Variants in RAB1A observed in about 807,000 individuals in gnomAD.
RAB1A encodes RAB1A, member RAS oncogene family.
A neutral mutation model predicts 26.0 loss-of-function variants in RAB1A; 2 were observed. The observed-to-expected ratio is 0.08, with a 90% CI of 0.03 to 0.24. The LOEUF (loss-of-function observed/expected upper bound fraction) is 0.24. Among genes scored for constraint, RAB1A ranks in the 10% least tolerant of loss-of-function variants. The pLI is 1.00. For missense variants in RAB1A, 100 were observed against 247.0 expected (o/e 0.40, Z 3.99); for synonymous variants, 84 against 84.9 (o/e 0.99, Z 0.06).
At chr2:65,111,022 A>G (rs1669681887) in intron 1 of RAB1A, among the ~76,000 whole-genome samples, 1 of 152,154 alleles carries the variant, frequency 6.6e-6, no homozygotes. Flanking sequence ...TAATGGATAA[A>G]ACTAAGGAGA....
chr2:65,129,489 G>A (rs565788772), intron 1 of RAB1A, among the ~76,000 whole-genome samples: 1 of 152,242 alleles, frequency 6.6e-6, no homozygotes, highest in South Asian at 2.1e-4. Context: ...GCAGAGTGCG[G>A]GCGCAGGGTC....
At chr2:65,089,489 G>A (rs1027815524) in intron 4 of RAB1A, among the ~76,000 whole-genome samples, 1 of 152,046 alleles carries the variant, frequency 6.6e-6, no homozygotes, top group African/African-American at 2.4e-5. Flanking sequence ...TGAGTTTACA[G>A]GTGTTAGCCA....
intron 2 of RAB1A, among the ~76,000 whole-genome samples, chr2:65,103,145 G>C (rs1040719692): frequency 6.6e-6 from 1 of 151,488 alleles, no homozygotes; most frequent in African/African-American, 2.4e-5. Flanking sequence ...GTGAGACCTT[G>C]TCACTACAAA....
At chr2:65,114,791 G>C (rs867299147) in intron 1 of RAB1A, among the ~76,000 whole-genome samples, 2 of 151,766 alleles carry the variant, frequency 1.3e-5, no homozygotes, top group South Asian at 4.2e-4. Context: ...CTTGCAGTGA[G>C]CCGAGATTGC....
At chr2:65,092,403 C>G (rs943227868) in intron 3 of RAB1A, among the ~76,000 whole-genome samples, 1 of 152,128 alleles carries the variant, frequency 6.6e-6, no homozygotes, top group Non-Finnish European at 1.5e-5. Flanking sequence ...GGGAGAGTCA[C>G]CTAACAGTTT....
chr2:65,089,293 C>T (rs1329588220), intron 4 of RAB1A, among the ~76,000 whole-genome samples: 1 of 151,998 alleles, frequency 6.6e-6, no homozygotes, highest in Non-Finnish European at 1.5e-5. Flanking sequence ...GCTCACTGCA[C>T]CCTCGACCTC....
chr2:65,113,307 A>G (rs1669745054), intron 1 of RAB1A, among the ~76,000 whole-genome samples: 1 of 152,106 alleles, frequency 6.6e-6, no homozygotes, highest in African/African-American at 2.4e-5. Context: ...TGATGTATGT[A>G]CCTACGCCAT....
intron 3 of RAB1A, among the ~76,000 whole-genome samples, chr2:65,093,795 T>C (rs1194986458): frequency 6.6e-6 from 1 of 151,764 alleles, no homozygotes; most frequent in Non-Finnish European, 1.5e-5. Flanking sequence ...GCTAATTTTT[T>C]TGTATTTTTA....
At chr2:65,127,020 T>C (rs2103890956) in intron 1 of RAB1A, among the ~76,000 whole-genome samples, 1 of 152,296 alleles carries the variant, frequency 6.6e-6, no homozygotes, top group East Asian at 1.9e-4. Flanking sequence ...ACTAACACTT[T>C]TGCAAAGGTT....
At chr2:65,114,185 T>C (rs1476756378) in intron 1 of RAB1A, 2 of 441,612 alleles carry the variant, frequency 4.5e-6, no homozygotes, top group Non-Finnish European at 4.4e-6. Context: ...AAATAAAATT[T>C]AGATTCTCAG....
Position 65,090,942 on chromosome 2 carries a change from C to T in RAB1A, c.288+41G>A, listed in dbSNP as rs776492821. 3 of 1,358,334 alleles carry T rather than the reference C, an allele frequency of 2.2e-6. No homozygotes were observed. The Admixed American group carries it at 5.9e-5, about 27-fold the overall frequency. 84.1% of individuals were successfully genotyped at this position (1,358,334 alleles called of 1,614,324 possible). A position where few individuals can be genotyped will look rare whatever the true frequency, so the allele number is the denominator to read the frequency against. ...TCTGACATTAATCAAATAATGGCTT[C>T]CTACTTGGTCACTGTAACACAATCT... is the stretch of plus-strand genomic sequence containing the variant. On this transcript the variant is annotated intron_variant, in intron 4 of 5. Coordinates refer to ENST00000409784, the MANE Select transcript of RAB1A (RefSeq NM_004161.5).
At chr2:65,096,096 C>T (rs971497055) in intron 3 of RAB1A, among the ~76,000 whole-genome samples, 13 of 151,488 alleles carry the variant, frequency 8.6e-5, no homozygotes, top group Admixed American at 7.9e-4. Context: ...GAGGCTGCAG[C>T]GAGCCAAGAT....
intron 1 of RAB1A, chr2:65,114,179 A>G (rs911216310): frequency 2.3e-6 from 1 of 443,606 alleles, no homozygotes; most frequent in Non-Finnish European, 4.4e-6. Context: ...TTCATGAAAT[A>G]AAATTTAGAT....
intron 3 of RAB1A, among the ~76,000 whole-genome samples, chr2:65,091,622 C>T (rs539832818): frequency 1.3e-5 from 2 of 152,274 alleles, no homozygotes; most frequent in East Asian, 3.9e-4. Context: ...AACCTCCCAC[C>T]TCAAGCAATC....
At chr2:65,101,440 T>G (rs748302829) in intron 2 of RAB1A, among the ~76,000 whole-genome samples, 42 of 152,120 alleles carry the variant, frequency 2.8e-4, no homozygotes, top group Admixed American at 8.5e-4. Context: ...CACGATTGTC[T>G]CTATTAATAT....
At chr2:65,114,501 A>C (rs1669777754) in intron 1 of RAB1A, among the ~76,000 whole-genome samples, 1 of 152,232 alleles carries the variant, frequency 6.6e-6, no homozygotes, top group Admixed American at 6.5e-5. Flanking sequence ...CTTATGGTTT[A>C]AATGTATCCT....
Position 65,093,581 on chromosome 2 carries a change from G to T in RAB1A, c.193-2503C>A, listed in dbSNP as rs116420098. ...AAACTTGAAGGATTACTGAAGCCAAGCAAGAGGAAATGATAGGATTAAAAG... is the reference window on the plus strand; with the variant it reads ...AAACTTGAAGGATTACTGAAGCCAATCAAGAGGAAATGATAGGATTAAAAG... On this transcript the variant is annotated intron_variant, in intron 3 of 5. Transcript: ENST00000409784. Among the ~76,000 whole-genome samples, 812 of 151,280 alleles carry T rather than the reference G, an allele frequency of 5.4e-3. 10 individuals are homozygous for T. Among genetic ancestry groups the T allele is most frequent in the African/African-American group, 0.018 (762 of 41,322 alleles).
At chr2:65,118,266 T>C (rs953419966) in intron 1 of RAB1A, among the ~76,000 whole-genome samples, 2 of 152,230 alleles carry the variant, frequency 1.3e-5, no homozygotes, top group Non-Finnish European at 2.9e-5. Context: ...TGCACTATTT[T>C]GCCATGCTAT....
At chr2:65,091,294 A>G (rs1489808136) in intron 3 of RAB1A, among the ~76,000 whole-genome samples, 1 of 152,194 alleles carries the variant, frequency 6.6e-6, no homozygotes, top group Non-Finnish European at 1.5e-5. Context: ...GCTTACGATA[A>G]TAATACTAAA....
Sources: gnomAD v4.1 joint callset for allele counts (sites outside exome capture counted in the v4.1 genomes callset) on GRCh38, gnomAD v4.1.1 for gene constraint, MANE v1.5 for transcripts, NCBI Gene and HGNC (gene_info 2026-07-23, HGNC 2026-07-21) for gene names.